Variants in GALNT13 observed in about 807,000 individuals in gnomAD.
GALNT13 encodes the protein polypeptide N-acetylgalactosaminyltransferase 13.
In GALNT13, 28 loss-of-function variants were observed where a neutral mutation model predicts 64.2. The observed-to-expected ratio is 0.44, with a 90% CI of 0.32 to 0.60. The LOEUF is 0.60. GALNT13 is among the 20% of genes least tolerant of loss of function. The pLI is 0.05. For synonymous variants in GALNT13, 214 were observed against 224.6 expected (o/e 0.95, Z 0.42); for missense variants, 577 against 669.8 (o/e 0.86, Z 1.53).
chr2:153,430,305 A>C, the GALNT13 span, among the ~76,000 whole-genome samples: 5 of 152,114 alleles, frequency 3.3e-5, no homozygotes, highest in African/African-American at 1.2e-4. Context: ...AAATTAGTGA[A>C]AGTTTGCTAA....
chr2:153,256,258 T>C, the GALNT13 span, among the ~76,000 whole-genome samples: 1 of 152,018 alleles, frequency 6.6e-6, no homozygotes, highest in African/African-American at 2.4e-5. Context: ...GTTGATCGCA[T>C]CAGCTCCTGA....
chr2:154,229,418 G>A (rs1043874756), intron 4 of GALNT13, among the ~76,000 whole-genome samples: 7 of 151,996 alleles, frequency 4.6e-5, no homozygotes, highest in African/African-American at 1.7e-4. Context: ...AATCCTAAGA[G>A]GAAATGGATC....
At chr2:154,093,903 G>A (rs977986369) in intron 3 of GALNT13, among the ~76,000 whole-genome samples, 7 of 151,352 alleles carry the variant, frequency 4.6e-5, no homozygotes, top group African/African-American at 1.7e-4. Context: ...TGTTAAACTC[G>A]ATAAAAGCTG....
the GALNT13 span, among the ~76,000 whole-genome samples, chr2:153,492,574 A>G: frequency 2.0e-5 from 3 of 152,216 alleles, no homozygotes; most frequent in African/African-American, 7.2e-5. Flanking sequence ...AAAGTCCCAC[A>G]CTGCTGGGAA....
chr2:153,257,935 A>G, the GALNT13 span, among the ~76,000 whole-genome samples: 2 of 152,192 alleles, frequency 1.3e-5, no homozygotes, highest in African/African-American at 2.4e-5. Flanking sequence ...AACTGGTCTC[A>G]TACCATTCCC....
the GALNT13 span, among the ~76,000 whole-genome samples, chr2:153,226,928 G>A: frequency 6.6e-6 from 1 of 152,178 alleles, no homozygotes; most frequent in Non-Finnish European, 1.5e-5. Flanking sequence ...GATGGGAGTT[G>A]GTGTTGAGCA....
the GALNT13 span, among the ~76,000 whole-genome samples, chr2:153,270,135 C>G: frequency 6.6e-6 from 1 of 152,162 alleles, no homozygotes; most frequent in Non-Finnish European, 1.5e-5. Context: ...TAGTTTGGGA[C>G]CAATTCCAAC....
chr2:153,686,873 GC>G, the GALNT13 span, among the ~76,000 whole-genome samples: 1 of 152,026 alleles, frequency 6.6e-6, no homozygotes, highest in African/African-American at 2.4e-5. Context: ...TTTATCAAAA[GC>G]TTTTTCTGCA....
the GALNT13 span, among the ~76,000 whole-genome samples, chr2:153,308,329 A>G: frequency 6.6e-6 from 1 of 152,112 alleles, no homozygotes; most frequent in Non-Finnish European, 1.5e-5. Context: ...ATTTGACTTA[A>G]TTTATGGCCC....
chr2:154,438,783 C>A, intron 12 of GALNT13, 57 bp downstream of exon 12: 1 of 1,318,828 alleles, frequency 7.6e-7, no homozygotes, highest in Non-Finnish European at 1.1e-6. Flanking sequence ...TTATATATTT[C>A]AACATTCAAC....
chr2:154,416,088 G>A (rs1180504518), intron 11 of GALNT13, among the ~76,000 whole-genome samples: 1 of 152,158 alleles, frequency 6.6e-6, no homozygotes, highest in Non-Finnish European at 1.5e-5. Context: ...ATTAATGCTT[G>A]ACTGGGAGAA....
chr2:153,270,271 T>TTTTG, the GALNT13 span, among the ~76,000 whole-genome samples: 1 of 151,694 alleles, frequency 6.6e-6, no homozygotes, highest in Admixed American at 6.6e-5. Context: ...TACTAAAGAG[T>TTTTG]TCATGGTGGG....
At chr2:153,849,954 G>A in the GALNT13 span, among the ~76,000 whole-genome samples, 16 of 144,242 alleles carry the variant, frequency 1.1e-4, no homozygotes, top group Non-Finnish European at 6.0e-5. Flanking sequence ...GAGGTCATGA[G>A]ATCGAGACCA....
the GALNT13 span, among the ~76,000 whole-genome samples, chr2:153,361,746 G>C: frequency 1.3e-5 from 2 of 152,138 alleles, no homozygotes; most frequent in African/African-American, 4.8e-5. Flanking sequence ...ACCTATGATT[G>C]ATTGGAGTAC....
At chr2:153,553,260 A>T in the GALNT13 span, among the ~76,000 whole-genome samples, 1 of 144,892 alleles carries the variant, frequency 6.9e-6, no homozygotes, top group African/African-American at 2.7e-5. Flanking sequence ...GTCCTTTGGG[A>T]GGTTGAGGCA....
chr2:153,124,779 G>T, the GALNT13 span, among the ~76,000 whole-genome samples: 2 of 152,176 alleles, frequency 1.3e-5, no homozygotes, highest in Non-Finnish European at 2.9e-5. Context: ...TGGGATTACA[G>T]GTGTGAGCCA....
intron 3 of GALNT13, among the ~76,000 whole-genome samples, chr2:153,965,042 A>G (rs1693234318): frequency 1.3e-5 from 2 of 152,130 alleles, no homozygotes; most frequent in African/African-American, 4.8e-5. Flanking sequence ...TTTTTTATGT[A>G]ATGGAAAGGA....
chr2:153,579,924 C>T, the GALNT13 span, among the ~76,000 whole-genome samples: 94 of 152,180 alleles, frequency 6.2e-4, no homozygotes, highest in African/African-American at 1.9e-3. Context: ...TCTACAAAAC[C>T]GGTCCCAGGT....
At chr2:154,420,350 G>T (rs1700197461) in intron 11 of GALNT13, among the ~76,000 whole-genome samples, 1 of 152,036 alleles carries the variant, frequency 6.6e-6, no homozygotes, top group African/African-American at 2.4e-5. Flanking sequence ...TTACCAAGAT[G>T]AATTTGTCTC....
Sources: allele counts gnomAD v4.1 joint callset (sites outside exome capture counted in the v4.1 genomes callset), GRCh38; gene constraint gnomAD v4.1.1; transcripts MANE v1.5; gene names NCBI Gene and HGNC (gene_info 2026-07-23, HGNC 2026-07-21).